The following SPTBN5 variants were observed in gnomAD, a reference collection of about 807,000 sequenced individuals.
SPTBN5 encodes the protein spectrin beta, non-erythrocytic 5, also known as spectrin beta chain, non-erythrocytic 5.
In SPTBN5, 513 loss-of-function variants were observed where a neutral mutation model predicts 477.6. That is an observed-to-expected ratio of 1.07 (90% CI 1.00 to 1.16). The LOEUF (loss-of-function observed/expected upper bound fraction) is 1.16, where lower values mean the gene tolerates loss of function less well. Among genes scored for constraint, SPTBN5 ranks in the 50% most tolerant of loss-of-function variants. The probability of loss-of-function intolerance (pLI) is 0.00; values close to 1 mark genes in which losing one functional copy is unlikely to be tolerated. For missense variants in SPTBN5, 5,062 were observed against 4,731.8 expected, an observed-to-expected ratio of 1.07 and a Z score of -2.05; for synonymous variants, 2,169 against 2,011.7, an observed-to-expected ratio of 1.08 and a Z score of -2.09.
intron 65 of SPTBN5, 48 bp from the exon 66 acceptor site, chr15:41,850,987 C>G (rs777620843): frequency 1.3e-6 from 2 of 1,587,840 alleles, no homozygotes; most frequent in Non-Finnish European, 1.7e-6. Flanking sequence ...TTTGGGGACC[C>G]CCACGCCTCC....
intron 16 of SPTBN5, 34 bp downstream of exon 16, chr15:41,879,226 C>T: frequency 1.9e-6 from 3 of 1,584,054 alleles, no homozygotes; most frequent in Non-Finnish European, 2.6e-6. Context: ...ATGGTCCTCA[C>T]TGCCTCCCAA....
intron 3 of SPTBN5, among the ~76,000 whole-genome samples, chr15:41,892,180 C>T (rs1424994654): frequency 4.6e-5 from 7 of 152,190 alleles, no homozygotes; most frequent in South Asian, 4.1e-4. Context: ...GTGATAGGCA[C>T]GCACAGTCAG....
rs780113733 is a variant in SPTBN5, at chr15:41,858,722, G to T, written c.8106C>A (p.Asn2702Lys). 5 of 1,610,000 alleles carry T rather than the reference G, an allele frequency of 3.1e-6. No individual in the cohort carries two copies. The highest frequency in any genetic ancestry group is 1.7e-5 in the Admixed American group (1 of 59,628). Residue 2702 changes from asparagine (N) to lysine (K), a missense_variant, in exon 49 of 68, where the codon AAC (asparagine) becomes AAA (lysine). Physicochemically the swap from Asn to Lys is moderately conservative, Grantham distance 94. Transcript: ENST00000320955. ...GCAAACCCTCCTCCAAGGCCACCAG[G>T]TTCTTCTCCCTCAGCCACGCAGCCA... is the stretch of plus-strand genomic sequence containing the variant. ...QEVAAWLREK[N>K]LVALEEGLLD...
At chr15:41,850,269 TGGGAGGA>T (rs758330062) in intron 66 of SPTBN5, 69 of 384,956 alleles carry the variant, frequency 1.8e-4, no homozygotes, top group Non-Finnish European at 3.0e-4. Context: ...GACAGACTCT[TGGGAGGA>T]GAGTCCAGGG....
intron 5 of SPTBN5, 147 bp downstream of exon 5, chr15:41,887,780 AG>A (rs1467451698): frequency 2.1e-5 from 17 of 824,422 alleles, no homozygotes; most frequent in Non-Finnish European, 2.8e-5. Context: ...GGGAAGGGAA[AG>A]GGGCTAACCC....
Position 41,854,930 on chromosome 15 carries a change from A to G in SPTBN5, c.9470T>C (p.Leu3157Pro). 6.3e-7 allele frequency: 1 copy of G among 1,580,938 alleles called. No individual in the cohort carries two copies. Among genetic ancestry groups the G allele is most frequent in the Non-Finnish European group, 8.6e-7 (1 of 1,164,844 alleles). Reference protein sequence around the residue: ...FDAFRKEVQSLGQAKVYALRK... With the variant: ...FDAFRKEVQSPGQAKVYALRK... ...CAGGGCATACACCTTGGCCTGGCCC[A>G]GGCTCTGCACTTCCTTTCTGAAAGC... Residue 3157 changes from leucine to proline, a missense_variant, in exon 56 of 68, where the codon CTG (leucine) becomes CCG (proline). Physicochemically the swap from Leu to Pro is moderately conservative, Grantham distance 98 (BLOSUM62 -3). Coordinates refer to ENST00000320955, the MANE Select transcript of SPTBN5 (RefSeq NM_016642.4).
Position 41,887,252 on chromosome 15 carries a change from G to T in SPTBN5, c.849C>A (p.Arg283=), listed in dbSNP as rs1393699338. 1 of 1,551,346 alleles carries T rather than the reference G, an allele frequency of 6.4e-7. No individual in the cohort carries two copies. The highest frequency in any genetic ancestry group is 8.7e-7 in the Non-Finnish European group (1 of 1,146,998). The stretch of plus-strand genomic sequence containing the variant: ...TCTGGACAGTCTGCCCCTGATGCAG[G>T]CGGGAGCAGTAGTGGTAGTAGAGGG... The part of the protein sequence containing the change: ...YVSLYYHYCS[R]LHQGQTVQRR... Residue 283 remains arginine, a synonymous_variant, in exon 6 of 68, where the codon CGC becomes CGA. Transcript: ENST00000320955.
chr15:41,851,107 C>T lies in SPTBN5; in HGVS notation c.10787G>A (p.Cys3596Tyr). 6.2e-7 allele frequency: 1 copy of T among 1,613,306 alleles called. No homozygotes were observed. Residue 3596 changes from cysteine (C) to tyrosine (Y), a missense_variant, in exon 65 of 68, where the codon TGT becomes TAT. Transcript: ENST00000320955. ...IALLDLTGAR[C>Y]ERLRGRHGRK... The stretch of plus-strand genomic sequence containing the variant: ...GCCGTGGCGGCCCCGCAGCCTCTCA[C>T]ACCGGGCTCCCGTGAGGTCAAGGAG...
At position 41,861,940 on chromosome 15, in the gene SPTBN5, C is replaced by G. The variant is rs1269727031; in HGVS notation, c.7549-17G>C. The G allele has an allele frequency of 2.5e-6, 4 of 1,590,344 alleles. No homozygotes were observed. The African/African-American group carries it at 5.4e-5, about 21-fold the overall frequency. ...CAGCTCGGCCTGGAACAGGACTGGGCTCAGATCACTGGGGGCTGGAAGCAG... is the reference window on the plus strand; with the variant it reads ...CAGCTCGGCCTGGAACAGGACTGGGGTCAGATCACTGGGGGCTGGAAGCAG... On this transcript the variant is annotated splice_polypyrimidine_tract_variant and intron_variant, in intron 44 of 67. Transcript: ENST00000320955.
Position 41,869,834 on chromosome 15 carries a change from C to G in SPTBN5, c.5853+7G>C. 1 of 1,549,382 alleles carries G rather than the reference C, an allele frequency of 6.5e-7. No individual in the cohort carries two copies. Among genetic ancestry groups the G allele is most frequent in the Non-Finnish European group, 8.6e-7 (1 of 1,159,080 alleles). ...ACACACACCACCCAAAGGGCAGGAG[C>G]CCTCACCGCCGTGCGGAAGCGGGCC... On this transcript the variant is annotated splice_region_variant and intron_variant, in intron 32 of 67. Transcript: ENST00000320955.
At chr15:41,874,569 G>T in intron 23 of SPTBN5, 91 bp from the exon 24 acceptor site, 1 of 1,144,934 alleles carries the variant, frequency 8.7e-7, no homozygotes, top group East Asian at 2.6e-5. Context: ...GGCCCGTGAA[G>T]AACAAGACCA....
intron 35 of SPTBN5, 35 bp downstream of exon 35, chr15:41,867,503 A>C (rs2066367130): frequency 6.3e-7 from 1 of 1,598,220 alleles, no homozygotes; most frequent in Non-Finnish European, 8.6e-7. Flanking sequence ...CAACCACCAC[A>C]CTCTGACCAC....
Position 41,848,563 on chromosome 15 carries a change from T to TAGATGTGTCCTCGCTTG in SPTBN5, c.*36_*52dup. 6.2e-7 allele frequency: 1 copy of TAGATGTGTCCTCGCTTG among 1,611,004 alleles called. No homozygotes were observed. The highest frequency in any genetic ancestry group is 1.1e-5 in the South Asian group (1 of 91,012). ...GTAGCTGAGTCTTATTCTGGTCCCT[T>TAGATGTGTCCTCGCTTG]AGATGTGTCCTCGCTTGTGCCCCTG... On this transcript the variant is annotated 3_prime_UTR_variant, in exon 68 of 68. Coordinates refer to ENST00000320955, the MANE Select transcript of SPTBN5 (RefSeq NM_016642.4).
chr15:41,870,119 G>A lies in SPTBN5; in HGVS notation c.5674-99C>T, dbSNP rs2066482300. Reference sequence around the variant, plus strand: ...GGGAACTCTGGCCCCCTTGGGCCACGTCCTGCCATGCACAGGAGGCCCATG... The same window carrying A: ...GGGAACTCTGGCCCCCTTGGGCCACATCCTGCCATGCACAGGAGGCCCATG... On this transcript the variant is annotated intron_variant, in intron 31 of 67. Transcript: ENST00000320955. The A allele has an allele frequency of 2.0e-5, 29 of 1,440,310 alleles. 1 individual carries two copies. The highest frequency in any genetic ancestry group is 1.0e-4 in the South Asian group (7 of 70,088). The allele number at this position is 1,440,310 out of a possible 1,614,324, so 89.2% of individuals were successfully genotyped here.
Position 41,885,791 on chromosome 15 carries a change from C to A in SPTBN5, c.1464G>T (p.Glu488Asp). 1 of 1,558,430 alleles carries A rather than the reference C, an allele frequency of 6.4e-7. No homozygotes were observed. Among genetic ancestry groups the A allele is most frequent in the Non-Finnish European group, 8.7e-7 (1 of 1,151,238 alleles). The stretch of plus-strand genomic sequence containing the variant: ...GCTCCTGCCGGAGGATGTCTGCGAT[C>A]TCAGCCAGGGCCTGGAAGCGCCCCT... ...PQEGRFQALA[E>D]IADILRQEQY... The change falls in exon 7 of 68, where the codon GAG becomes GAT. Residue 488 changes from glutamate (E) to aspartate (D), a missense_variant. Physicochemically the swap from Glu to Asp is conservative, Grantham distance 45 (BLOSUM62 2). Coordinates refer to ENST00000320955, the MANE Select transcript of SPTBN5 (RefSeq NM_016642.4).
chr15:41,878,464 C>A lies in SPTBN5; in HGVS notation c.3348G>T (p.Leu1116=). 6.2e-7 allele frequency: 1 copy of A among 1,613,618 alleles called. No individual in the cohort carries two copies. The highest frequency in any genetic ancestry group is 8.5e-7 in the Non-Finnish European group (1 of 1,179,854). Residue 1116 remains leucine, a synonymous_variant, in exon 17 of 68, where the codon CTG becomes CTT. Transcript: ENST00000320955. ...SFLQESQQLL[L]WAESVQAQLR... is the part of the protein sequence containing the mutation. ...GCTGAGCCTGGACACTCTCTGCCCACAGTAGCAGTTGCTGGCTCTCTTGCA... is the reference window on the plus strand; with the variant it reads ...GCTGAGCCTGGACACTCTCTGCCCAAAGTAGCAGTTGCTGGCTCTCTTGCA...
chr15:41,851,405 A>G, intron 63 of SPTBN5, 36 bp from the exon 64 acceptor site: 2 of 1,479,758 alleles, frequency 1.4e-6, no homozygotes, highest in Non-Finnish European at 1.8e-6. Flanking sequence ...CATGAGCCAC[A>G]CGCAGGAAGC....
intron 62 of SPTBN5, 137 bp from the exon 63 acceptor site, chr15:41,851,987 A>G: frequency 2.2e-6 from 2 of 911,034 alleles, no homozygotes; most frequent in Non-Finnish European, 3.3e-6. Context: ...AGCTTCTAAG[A>G]TCAGATGAGA....
In SPTBN5 at chr15:41,862,727, C is replaced by A. The variant is rs901259048; in HGVS notation, c.7263+63G>T. Reference sequence around the variant, plus strand: ...CTGGGCCACCCAAGCCCCTCCTCCCCACTTGTGCCCAGGGTCCTACTCAGG... The same window carrying A: ...CTGGGCCACCCAAGCCCCTCCTCCCAACTTGTGCCCAGGGTCCTACTCAGG... On this transcript the variant is annotated intron_variant, in intron 42 of 67. Coordinates refer to ENST00000320955, the MANE Select transcript of SPTBN5 (RefSeq NM_016642.4). 20 of 1,542,132 alleles carry A rather than the reference C, an allele frequency of 1.3e-5. No individual in the cohort carries two copies. The Admixed American group carries it at 3.3e-4, about 26-fold the overall frequency.
Sources: allele counts gnomAD v4.1 joint callset (sites outside exome capture counted in the v4.1 genomes callset), GRCh38; gene constraint gnomAD v4.1.1; transcripts MANE v1.5; gene names NCBI Gene and HGNC (gene_info 2026-07-23, HGNC 2026-07-21).